UNC5C: variants seen among roughly 807,000 people sequenced by gnomAD.
The protein encoded by UNC5C is netrin receptor UNC5C.
In UNC5C, 47 loss-of-function variants were observed where a neutral mutation model predicts 99.8. The ratio of observed to expected loss-of-function variants is 0.47; its 90% confidence interval spans 0.37 to 0.60. The LOEUF (loss-of-function observed/expected upper bound fraction) is 0.60, where lower values mean the gene tolerates loss of function less well. Among genes scored for constraint, UNC5C ranks in the 20% least tolerant of loss-of-function variants. UNC5C has a pLI of 0.00. For missense variants in UNC5C, 1,062 were observed against 1,165.9 expected (o/e 0.91, Z 1.30); for synonymous variants, 487 against 452.2 (o/e 1.08, Z -0.98).
rs953823962 is a variant in UNC5C, at chr4:95,202,579, G to A, written c.2136+152C>T. On this transcript the variant is annotated intron_variant, in intron 12 of 15. Coordinates refer to ENST00000453304, the MANE Select transcript of UNC5C (RefSeq NM_003728.4). Reference sequence around the variant, plus strand: ...TATATCAGCATGGCCTCAGAGAAATGTCTATCTTTTTTAAGTGCATCCTTT... The same window carrying A: ...TATATCAGCATGGCCTCAGAGAAATATCTATCTTTTTTAAGTGCATCCTTT... 17 of 708,502 alleles carry A rather than the reference G, an allele frequency of 2.4e-5. 1 individual carries two copies. In the South Asian group the frequency reaches 3.1e-4, roughly 13 times the overall value. 43.9% of individuals were successfully genotyped at this position (708,502 alleles called of 1,614,324 possible).
intron 7 of UNC5C, among the ~76,000 whole-genome samples, chr4:95,220,729 C>A (rs77447907): frequency 1.3e-5 from 2 of 152,242 alleles, no homozygotes; most frequent in African/African-American, 4.8e-5. Flanking sequence ...AAAGCAAATA[C>A]TAGGAGCAAA....
intron 14 of UNC5C, among the ~76,000 whole-genome samples, chr4:95,177,374 C>G (rs1736407718): frequency 6.6e-6 from 1 of 150,792 alleles, no homozygotes; most frequent in Non-Finnish European, 1.5e-5. Flanking sequence ...GAGTGCTCAG[C>G]TCAGGGGCTC....
intron 1 of UNC5C, among the ~76,000 whole-genome samples, chr4:95,412,402 C>T (rs1746018218): frequency 1.3e-5 from 2 of 152,132 alleles, no homozygotes; most frequent in African/African-American, 4.8e-5. Flanking sequence ...TCTTTTCTCA[C>T]ACTTGATGGC....
intron 1 of UNC5C, among the ~76,000 whole-genome samples, chr4:95,386,755 C>T (rs936497491): frequency 5.3e-5 from 8 of 152,154 alleles, no homozygotes; most frequent in Non-Finnish European, 1.0e-4. Flanking sequence ...CTGGGAAGAA[C>T]GAATGCTGGA....
intron 4 of UNC5C, among the ~76,000 whole-genome samples, chr4:95,257,846 A>T (rs991600645): frequency 2.6e-5 from 4 of 152,228 alleles, no homozygotes; most frequent in African/African-American, 7.2e-5. Flanking sequence ...GATAAAAAGG[A>T]TATTTGCAGG....
chr4:95,167,065 G>T lies in UNC5C; in HGVS notation c.*2169C>A, dbSNP rs189312182. The T allele has an allele frequency of 6.6e-6, 1 of 152,328 alleles. No homozygotes were observed. The highest frequency in any genetic ancestry group is 2.4e-5 in the African/African-American group (1 of 41,576). The allele number at this position is 152,328 out of a possible 1,614,324, so 9.4% of individuals were successfully genotyped here. A position where few individuals can be genotyped will look rare whatever the true frequency, so the allele number is the denominator to read the frequency against. ...GAAGAGGTTCCATAGCAAGGTATCA[G>T]CAGTTCCTCAGGGATGAGGATGGCG... On this transcript the variant is annotated 3_prime_UTR_variant, in exon 16 of 16. Coordinates refer to ENST00000453304, the MANE Select transcript of UNC5C (RefSeq NM_003728.4).
intron 1 of UNC5C, among the ~76,000 whole-genome samples, chr4:95,410,245 G>T (rs748474706): frequency 6.6e-6 from 1 of 152,078 alleles, no homozygotes; most frequent in Non-Finnish European, 1.5e-5. Flanking sequence ...ATATCTGCAT[G>T]TTCCTAAAAC....
chr4:95,519,002 G>T (rs572672734), intron 1 of UNC5C, among the ~76,000 whole-genome samples: 83 of 152,118 alleles, frequency 5.5e-4, no homozygotes, highest in Admixed American at 1.9e-3. Context: ...ACTAGAGAAA[G>T]TCTCTATTTT....
At chr4:95,324,517 G>A (rs969243700) in intron 2 of UNC5C, among the ~76,000 whole-genome samples, 6 of 152,062 alleles carry the variant, frequency 3.9e-5, no homozygotes, top group South Asian at 2.1e-4. Context: ...CCCACTTTGC[G>A]GAAAAATTGT....
intron 1 of UNC5C, among the ~76,000 whole-genome samples, chr4:95,509,491 G>A (rs114212110): frequency 0.066 from 9,934 of 151,538 alleles, 435 homozygotes; most frequent in Non-Finnish European, 0.099. Context: ...CAACAAATAA[G>A]ATGAAGAAAT....
intron 7 of UNC5C, 70 bp from the exon 8 acceptor site, chr4:95,220,246 A>G: frequency 3.7e-6 from 5 of 1,353,690 alleles, no homozygotes; most frequent in Non-Finnish European, 2.9e-6. Context: ...ATGTATTGCT[A>G]TAATTTTTTC....
chr4:95,399,577 C>T (rs1015091732), intron 1 of UNC5C, among the ~76,000 whole-genome samples: 2 of 152,200 alleles, frequency 1.3e-5, no homozygotes, highest in African/African-American at 4.8e-5. Context: ...TCTATTTACA[C>T]TGGTATTTTT....
chr4:95,497,473 A>G (rs921093529), intron 1 of UNC5C, among the ~76,000 whole-genome samples: 9 of 151,934 alleles, frequency 5.9e-5, no homozygotes, highest in Non-Finnish European at 2.9e-5. Context: ...TTCAATGATC[A>G]TTCACCTGGG....
intron 1 of UNC5C, among the ~76,000 whole-genome samples, chr4:95,355,740 C>T (rs996122668): frequency 3.3e-5 from 5 of 151,902 alleles, no homozygotes; most frequent in African/African-American, 7.3e-5. Context: ...CATAGCAAAA[C>T]CAAAGATAAA....
intron 12 of UNC5C, among the ~76,000 whole-genome samples, chr4:95,188,636 T>G (rs1043260127): frequency 6.6e-6 from 1 of 152,258 alleles, no homozygotes; most frequent in Non-Finnish European, 1.5e-5. Context: ...TTCTGAATTC[T>G]TCGCACATGA....
chr4:95,169,752 A>G (rs889012649), intron 15 of UNC5C, among the ~76,000 whole-genome samples: 2 of 117,560 alleles, frequency 1.7e-5, no homozygotes, highest in Non-Finnish European at 4.2e-5. Context: ...GTGACACTCC[A>G]CAAAGTAGAC....
chr4:95,256,714 A>ATATATATATG (rs1579272889), intron 4 of UNC5C, among the ~76,000 whole-genome samples: 12 of 127,264 alleles, frequency 9.4e-5, no homozygotes, highest in Non-Finnish European at 1.8e-4. Flanking sequence ...ATATATATAT[A>ATATATATATG]TATATATGAG....
rs373445307 is a variant in UNC5C at position 95,359,882 on chromosome 4, G to C, written c.125-24251C>G. Among the ~76,000 whole-genome samples the C allele has an allele frequency of 1.6e-4, 24 of 152,184 alleles. No homozygotes were observed. In the South Asian group the frequency reaches 4.4e-3, roughly 28 times the overall value. On this transcript the variant is annotated intron_variant, in intron 1 of 15. Transcript: ENST00000453304. ...ATGCCAGGTATCCTACTAAGGACTT[G>C]GATATTTTCCCTCATTTAATTCTCA... is the stretch of plus-strand genomic sequence containing the variant.
intron 4 of UNC5C, among the ~76,000 whole-genome samples, chr4:95,265,395 G>A (rs1740406538): frequency 6.6e-6 from 1 of 152,068 alleles, no homozygotes; most frequent in South Asian, 2.1e-4. Context: ...TATAAACTTT[G>A]TCCTCCAGTC....
Sources: allele counts gnomAD v4.1 joint callset (sites outside exome capture counted in the v4.1 genomes callset), GRCh38; gene constraint gnomAD v4.1.1; transcripts MANE v1.5; gene names NCBI Gene and HGNC (gene_info 2026-07-23, HGNC 2026-07-21).